KCNH8: variants seen among roughly 807,000 people sequenced by gnomAD.
KCNH8 encodes the protein voltage-gated delayed rectifier potassium channel KCNH8.
In KCNH8, 70 loss-of-function variants were observed where a neutral mutation model predicts 103.6. The ratio of observed to expected loss-of-function variants is 0.68; its 90% CI spans 0.56 to 0.82. The LOEUF (loss-of-function observed/expected upper bound fraction) is 0.82, where lower values mean the gene tolerates loss of function less well. KCNH8 is among the 40% of genes least tolerant of loss of function. The pLI is 0.00. For missense variants in KCNH8, 1,217 were observed against 1,329.9 expected (o/e 0.92, Z 1.32); for synonymous variants, 498 against 489.4 (o/e 1.02, Z -0.23).
Position 19,318,888 on chromosome 3 carries a change from A to G in KCNH8, c.443-23699A>G, listed in dbSNP as rs753994697. Among the ~76,000 whole-genome samples the G allele has an allele frequency of 1.5e-3, 231 of 151,728 alleles. 3 individuals carry two copies. The highest frequency in any genetic ancestry group is 2.0e-3 in the Non-Finnish European group (136 of 67,878). On this transcript the variant is annotated intron_variant, in intron 3 of 15. Coordinates refer to ENST00000328405, the MANE Select transcript of KCNH8 (RefSeq NM_144633.3). Reference sequence around the variant, plus strand: ...GTGTCGCATTGTGGTTTTGACTTGCATTTCCCTGATACATAGTAATGTTGA... The same window carrying G: ...GTGTCGCATTGTGGTTTTGACTTGCGTTTCCCTGATACATAGTAATGTTGA...
chr3:19,497,927 T>G (rs888874534), intron 11 of KCNH8, among the ~76,000 whole-genome samples: 2 of 152,224 alleles, frequency 1.3e-5, no homozygotes, highest in Non-Finnish European at 2.9e-5. Context: ...GCTCCTCCCT[T>G]GAAGGCATAT....
chr3:19,223,328 GC>G (rs2063896096), intron 1 of KCNH8, among the ~76,000 whole-genome samples: 1 of 152,094 alleles, frequency 6.6e-6, no homozygotes, highest in Non-Finnish European at 1.5e-5. Flanking sequence ...TAAGTCTATT[GC>G]AGACTGACAT....
intron 15 of KCNH8, 29 bp from the exon 16 acceptor site, chr3:19,533,366 T>TTGTC: frequency 2.1e-6 from 3 of 1,452,044 alleles, no homozygotes; most frequent in Non-Finnish European, 1.9e-6. Flanking sequence ...CCTCTAACTA[T>TTGTC]TGTCTTTCAC....
At chr3:19,498,159 A>G (rs1425371519) in intron 11 of KCNH8, among the ~76,000 whole-genome samples, 3 of 152,088 alleles carry the variant, frequency 2.0e-5, no homozygotes, top group Non-Finnish European at 4.4e-5. Flanking sequence ...TCTCTTGAAG[A>G]TGGCATACCA....
chr3:19,532,509 T>C (rs2069179531), intron 15 of KCNH8, among the ~76,000 whole-genome samples: 1 of 152,212 alleles, frequency 6.6e-6, no homozygotes, highest in Non-Finnish European at 1.5e-5. Flanking sequence ...CTCTGGCCTA[T>C]AATAAGCATA....
intron 5 of KCNH8, among the ~76,000 whole-genome samples, chr3:19,369,720 A>G (rs779384750): frequency 6.6e-6 from 1 of 151,882 alleles, no homozygotes; most frequent in Non-Finnish European, 1.5e-5. Flanking sequence ...TTTGTGAATG[A>G]TCTAGTAAGT....
At chr3:19,201,442 C>T (rs753976957) in intron 1 of KCNH8, among the ~76,000 whole-genome samples, 1 of 151,836 alleles carries the variant, frequency 6.6e-6, no homozygotes, top group Non-Finnish European at 1.5e-5. Flanking sequence ...AATCCCACAG[C>T]CTTCTCTCCT....
chr3:19,476,979 T>C (rs1487150396), intron 11 of KCNH8, among the ~76,000 whole-genome samples: 1 of 152,190 alleles, frequency 6.6e-6, no homozygotes, highest in Non-Finnish European at 1.5e-5. Flanking sequence ...TGAACAGTTT[T>C]ACTTTATTTA....
chr3:19,252,031 G>C (rs1171250600), intron 1 of KCNH8, among the ~76,000 whole-genome samples: 2 of 151,854 alleles, frequency 1.3e-5, no homozygotes, highest in Non-Finnish European at 2.9e-5. Context: ...AACACTGTTG[G>C]TATACCAAGT....
At chr3:19,325,675 C>T (rs2065412987) in intron 3 of KCNH8, among the ~76,000 whole-genome samples, 1 of 152,002 alleles carries the variant, frequency 6.6e-6, no homozygotes, top group African/African-American at 2.4e-5. Context: ...TGTGAAATGT[C>T]AAAAAGTAAC....
intron 11 of KCNH8, among the ~76,000 whole-genome samples, chr3:19,496,772 G>T (rs2068450277): frequency 6.6e-6 from 1 of 152,122 alleles, no homozygotes; most frequent in Non-Finnish European, 1.5e-5. Flanking sequence ...AATGATATCA[G>T]CTTTTCTTTA....
chr3:19,498,863 G>C (rs1416924346), intron 11 of KCNH8, among the ~76,000 whole-genome samples: 1 of 146,528 alleles, frequency 6.8e-6, no homozygotes, highest in African/African-American at 2.8e-5. Context: ...GTCTGCCCCT[G>C]TTGGGGGGTG....
intron 2 of KCNH8, among the ~76,000 whole-genome samples, chr3:19,275,155 TGAAAA>T (rs1450832474): frequency 6.6e-6 from 1 of 151,594 alleles, no homozygotes; most frequent in East Asian, 1.9e-4. Context: ...ATAAAGATGC[TGAAAA>T]GAAAAGGAAA....
chr3:19,312,400 A>G (rs1055688463), intron 3 of KCNH8, among the ~76,000 whole-genome samples: 8 of 151,942 alleles, frequency 5.3e-5, no homozygotes, highest in Non-Finnish European at 1.0e-4. Flanking sequence ...CAACTTGGAA[A>G]TGGGAAACTT....
chr3:19,484,180 A>T (rs1043376675), intron 11 of KCNH8, among the ~76,000 whole-genome samples: 3 of 152,146 alleles, frequency 2.0e-5, no homozygotes, highest in Admixed American at 1.3e-4. Context: ...ATCTTATTTT[A>T]AAAACTGTGG....
intron 2 of KCNH8, among the ~76,000 whole-genome samples, chr3:19,276,879 T>C (rs2125270925): frequency 6.6e-6 from 1 of 152,192 alleles, no homozygotes; most frequent in African/African-American, 2.4e-5. Context: ...AGAAAGGAAA[T>C]CAATATATTA....
intron 1 of KCNH8, among the ~76,000 whole-genome samples, chr3:19,161,877 T>G (rs973825718): frequency 6.6e-6 from 1 of 152,188 alleles, no homozygotes; most frequent in Non-Finnish European, 1.5e-5. Context: ...TTATATGTGG[T>G]GAATTAGGTA....
intron 1 of KCNH8, among the ~76,000 whole-genome samples, chr3:19,184,162 C>T (rs982686130): frequency 6.6e-6 from 1 of 151,976 alleles, no homozygotes; most frequent in East Asian, 1.9e-4. Context: ...TTTATAATAG[C>T]AAATTTTACT....
At chr3:19,155,937 C>T (rs988992579) in intron 1 of KCNH8, among the ~76,000 whole-genome samples, 1 of 152,166 alleles carries the variant, frequency 6.6e-6, no homozygotes. Context: ...TTGAAATGGT[C>T]TTTGCTCAGT....
Sources: gnomAD v4.1 joint callset for allele counts (sites outside exome capture counted in the v4.1 genomes callset) on GRCh38, gnomAD v4.1.1 for gene constraint, MANE v1.5 for transcripts, NCBI Gene and HGNC (gene_info 2026-07-23, HGNC 2026-07-21) for gene names.